NWD2: variants seen among roughly 807,000 people sequenced by gnomAD.
NWD2 encodes the protein NACHT and WD repeat domain containing 2, also known as NACHT and WD repeat domain-containing protein 2.
NWD2 carries 37 observed loss-of-function variants against 132.7 expected under a neutral mutation model. That is an observed-to-expected ratio of 0.28 (90% CI 0.21 to 0.37). The LOEUF (loss-of-function observed/expected upper bound fraction) is 0.37, where lower values mean the gene tolerates loss of function less well. NWD2 is among the 10% of genes least tolerant of loss of function. The probability of loss-of-function intolerance (pLI) is 1.00; values close to 1 mark genes in which losing one functional copy is unlikely to be tolerated. For missense variants in NWD2, 1,592 were observed against 2,122.4 expected, an observed-to-expected ratio of 0.75 and a Z score of 4.91; for synonymous variants, 705 against 803.0, an observed-to-expected ratio of 0.88 and a Z score of 2.06.
chr4:37,403,659 A>G (rs1350791485), intron 3 of NWD2, among the ~76,000 whole-genome samples: 2 of 151,026 alleles, frequency 1.3e-5, no homozygotes, highest in African/African-American at 2.4e-5. Context: ...GCTATAATGC[A>G]TAGATCATCT....
At chr4:37,309,666 C>T (rs1718791151) in intron 1 of NWD2, among the ~76,000 whole-genome samples, 1 of 152,120 alleles carries the variant, frequency 6.6e-6, no homozygotes, top group Admixed American at 6.5e-5. Context: ...TACTGTAGGG[C>T]TCCCTTGCAG....
intron 1 of NWD2, among the ~76,000 whole-genome samples, chr4:37,271,238 C>T (rs1210108172): frequency 6.6e-6 from 1 of 151,746 alleles, no homozygotes; most frequent in Non-Finnish European, 1.5e-5. Flanking sequence ...TTCTAATTTT[C>T]CATGTAAATA....
intron 3 of NWD2, among the ~76,000 whole-genome samples, chr4:37,392,574 T>C (rs560526961): frequency 4.2e-4 from 64 of 152,296 alleles, no homozygotes; most frequent in Non-Finnish European, 7.1e-4. Flanking sequence ...CCAACCTCTA[T>C]TGAGAATCAC....
At chr4:37,411,686 G>T (rs961983572) in intron 3 of NWD2, among the ~76,000 whole-genome samples, 1 of 152,058 alleles carries the variant, frequency 6.6e-6, no homozygotes, top group African/African-American at 2.4e-5. Context: ...AACAAAAAAA[G>T]AAAATTTAGG....
chr4:37,376,770 C>G (rs1030152912), intron 3 of NWD2, among the ~76,000 whole-genome samples: 1 of 152,054 alleles, frequency 6.6e-6, no homozygotes, highest in African/African-American at 2.4e-5. Context: ...AAATATTGGT[C>G]CACGCTTTCA....
intron 3 of NWD2, among the ~76,000 whole-genome samples, chr4:37,378,286 T>TAAAAG (rs56020506): frequency 0.99 from 150,403 of 152,290 alleles, 74,298 homozygotes; most frequent in East Asian, 1. Context: ...TGAATTGAAA[T>TAAAAG]AAATATGACA....
chr4:37,395,478 G>A (rs894396778), intron 3 of NWD2, among the ~76,000 whole-genome samples: 2 of 143,184 alleles, frequency 1.4e-5, no homozygotes, highest in Admixed American at 7.4e-5. Flanking sequence ...AAATCAAAAT[G>A]TCAGTCCCAC....
At chr4:37,264,665 A>T (rs1463492752) in intron 1 of NWD2, among the ~76,000 whole-genome samples, 1 of 152,222 alleles carries the variant, frequency 6.6e-6, no homozygotes, top group African/African-American at 2.4e-5. Context: ...TCAAAAGTAA[A>T]ATGTAAAAAT....
Position 37,447,317 on chromosome 4 carries a change from C to A in NWD2, c.*100C>A. ...CTATTCATTTATTAAAAGGCAGGAG[C>A]GATGCTGGAATTCCAGTGTTTTATT... On this transcript the variant is annotated 3_prime_UTR_variant, in exon 7 of 7. Coordinates refer to ENST00000309447, the MANE Select transcript of NWD2 (RefSeq NM_001144990.2). 1 of 891,038 alleles carries A rather than the reference C, an allele frequency of 1.1e-6. No individual in the cohort carries two copies. Among genetic ancestry groups the A allele is most frequent in the Non-Finnish European group, 1.7e-6 (1 of 593,366 alleles). 55.2% of individuals were successfully genotyped at this position (891,038 alleles called of 1,614,324 possible).
intron 3 of NWD2, among the ~76,000 whole-genome samples, chr4:37,402,029 T>G (rs141692157): frequency 3.9e-4 from 60 of 152,312 alleles, no homozygotes; most frequent in African/African-American, 1.4e-3. Flanking sequence ...ATAAATTGAT[T>G]AACACCATTA....
intron 5 of NWD2, among the ~76,000 whole-genome samples, chr4:37,434,740 A>T (rs1351839214): frequency 1.3e-5 from 2 of 152,024 alleles, no homozygotes; most frequent in Non-Finnish European, 2.9e-5. Flanking sequence ...GTGCTTAGCT[A>T]ATTCCAGGAG....
intron 2 of NWD2, among the ~76,000 whole-genome samples, chr4:37,337,525 T>A (rs544980608): frequency 6.6e-6 from 1 of 152,326 alleles, no homozygotes; most frequent in South Asian, 2.1e-4. Context: ...GGATGCCACC[T>A]GAAGGCACCA....
In NWD2 at chr4:37,402,708, G is replaced by C. The variant is rs551791005; in HGVS notation, c.358-27864G>C. Among the ~76,000 whole-genome samples the C allele has an allele frequency of 5.3e-5, 8 of 152,284 alleles. No individual in the cohort carries two copies. In the East Asian group the frequency reaches 1.5e-3, roughly 29 times the overall value. The stretch of plus-strand genomic sequence containing the variant: ...AGAAATGCTAATACGTTCTAGCCCT[G>C]GCTGTTCACAAACCCAGCTGCATGG... On this transcript the variant is annotated intron_variant, in intron 3 of 6. Transcript: ENST00000309447.
intron 3 of NWD2, among the ~76,000 whole-genome samples, chr4:37,357,836 A>C (rs1719901522): frequency 6.6e-6 from 1 of 152,146 alleles, no homozygotes; most frequent in East Asian, 1.9e-4. Context: ...TAAAACAGTC[A>C]GAGGAGGCCT....
chr4:37,425,860 G>A (rs1340191123), intron 3 of NWD2, among the ~76,000 whole-genome samples: 1 of 152,198 alleles, frequency 6.6e-6, no homozygotes, highest in Admixed American at 6.5e-5. Context: ...TGCTGTGGCT[G>A]CCCTAAAGTC....
At chr4:37,442,109 A>C (rs532917539) in intron 6 of NWD2, among the ~76,000 whole-genome samples, 2 of 152,348 alleles carry the variant, frequency 1.3e-5, no homozygotes, top group African/African-American at 4.8e-5. Flanking sequence ...ATTTTCCTTA[A>C]CAGCTCCTTA....
At chr4:37,315,924 C>A (rs1577665509) in intron 1 of NWD2, among the ~76,000 whole-genome samples, 1 of 151,952 alleles carries the variant, frequency 6.6e-6, no homozygotes, top group East Asian at 1.9e-4. Context: ...TTTGTTAAAG[C>A]AAAAATACTT....
intron 1 of NWD2, among the ~76,000 whole-genome samples, chr4:37,323,716 A>T (rs1719114171): frequency 6.6e-6 from 1 of 152,184 alleles, no homozygotes. Context: ...ATAGATCATT[A>T]TACCAAAAAG....
intron 1 of NWD2, among the ~76,000 whole-genome samples, chr4:37,272,102 A>G (rs1717882364): frequency 6.6e-6 from 1 of 151,776 alleles, no homozygotes; most frequent in Admixed American, 6.6e-5. Context: ...AGTGAAGTAC[A>G]TTTTTGATTT....
Sources: allele counts gnomAD v4.1 joint callset (sites outside exome capture counted in the v4.1 genomes callset), GRCh38; gene constraint gnomAD v4.1.1; transcripts MANE v1.5; gene names NCBI Gene and HGNC (gene_info 2026-07-23, HGNC 2026-07-21).